Variants in KIZ observed in about 807,000 individuals in gnomAD.
KIZ encodes kizuna centrosomal protein.
KIZ carries 68 observed loss-of-function variants against 79.6 expected under a neutral mutation model. The ratio of observed to expected loss-of-function variants is 0.85; its 90% CI spans 0.70 to 1.05. The LOEUF (loss-of-function observed/expected upper bound fraction) is 1.05. Ranked by LOEUF, KIZ falls within the 50% of genes least tolerant of loss-of-function variation. The pLI, the probability that KIZ is intolerant of heterozygous loss-of-function variation, is 0.00. For missense variants in KIZ, 797 were observed against 800.4 expected, an observed-to-expected ratio of 1.00 and a Z score of 0.05; for synonymous variants, 280 against 281.8, an observed-to-expected ratio of 0.99 and a Z score of 0.06.
intron 10 of KIZ, among the ~76,000 whole-genome samples, chr20:21,230,495 A>G (rs879796396): frequency 6.6e-6 from 1 of 152,192 alleles, no homozygotes; most frequent in Non-Finnish European, 1.5e-5. Flanking sequence ...TGTCTTTTTC[A>G]GACAGATATT....
At chr20:21,231,652 T>C (rs750875880) in intron 10 of KIZ, among the ~76,000 whole-genome samples, 4 of 152,162 alleles carry the variant, frequency 2.6e-5, no homozygotes, top group Non-Finnish European at 5.9e-5. Flanking sequence ...TTACCCTTAC[T>C]CTCATTCTGA....
intron 6 of KIZ, among the ~76,000 whole-genome samples, chr20:21,171,026 A>C (rs552779948): frequency 6.6e-6 from 1 of 152,372 alleles, no homozygotes; most frequent in South Asian, 2.1e-4. Flanking sequence ...ATCGTCTTCC[A>C]AAGTGGCTGT....
Position 21,140,933 on chromosome 20 carries a change from G to A in KIZ, c.315+4381G>A, listed in dbSNP as rs139787519. 3.6e-3 allele frequency among the ~76,000 whole-genome samples: 554 copies of A among 152,172 alleles called. 2 individuals are homozygous for A. Among genetic ancestry groups the A allele is most frequent in the Middle Eastern group, 0.02 (6 of 294 alleles). On this transcript the variant is annotated intron_variant, in intron 3 of 12. Transcript: ENST00000619189. ...ATGGGGGGGGATCATTTGAGCCCAG[G>A]AGGTTGAGGTTATAGTGAGCTATGA...
At chr20:21,229,231 C>A in intron 10 of KIZ, 116 bp downstream of exon 10, 1 of 635,290 alleles carries the variant, frequency 1.6e-6, no homozygotes, top group Non-Finnish European at 2.8e-6. Flanking sequence ...AACGAGCTGT[C>A]ACCAGGACAG....
rs558639559 is a variant in KIZ, at chr20:21,232,356, G to A, written c.1784-378G>A. Among the ~76,000 whole-genome samples the A allele has an allele frequency of 1.4e-4, 22 of 152,250 alleles. No individual in the cohort carries two copies. The South Asian group carries it at 4.6e-3, about 32-fold the overall frequency. On this transcript the variant is annotated intron_variant, in intron 10 of 12. Coordinates refer to ENST00000619189, the MANE Select transcript of KIZ (RefSeq NM_018474.6). ...ATAAGGTGGGTGACTGTTATCCATG[G>A]GTCTCAATTATTTCTGAGCCCTGGT...
At chr20:21,141,931 C>T (rs1276399719) in intron 3 of KIZ, among the ~76,000 whole-genome samples, 1 of 150,326 alleles carries the variant, frequency 6.7e-6, no homozygotes, top group Non-Finnish European at 1.5e-5. Context: ...TCCACCTTCT[C>T]CTGCCATCCC....
Position 21,164,480 on chromosome 20 carries a change from T to G in KIZ, c.1352+1321T>G, listed in dbSNP as rs76918833. The stretch of plus-strand genomic sequence containing the variant: ...GGCACAGGTAATACATATTACATCA[T>G]CAGAAACTTTATTACTGGAGGTAGA... On this transcript the variant is annotated intron_variant, in intron 6 of 12. Transcript: ENST00000619189. Among the ~76,000 whole-genome samples the G allele has an allele frequency of 2.5e-3, 379 of 152,322 alleles. 11 individuals carry two copies. The East Asian group carries it at 0.057, about 23-fold the overall frequency.
Position 21,126,178 on chromosome 20 carries a change from C to T in KIZ, c.63C>T (p.Gly21=). Reference sequence around the variant, plus strand: ...GTCCCGACTACTACGAGAGGCTGGGCCAACTCCAGCACGGGCTGCGGGACA... The same window carrying T: ...GTCCCGACTACTACGAGAGGCTGGGTCAACTCCAGCACGGGCTGCGGGACA... The part of the protein sequence containing the change: ...LSSPDYYERL[G]QLQHGLRDSE... Residue 21 remains glycine, a synonymous_variant, in exon 1 of 13, where the codon GGC becomes GGT. Transcript: ENST00000619189. 2 of 1,498,838 alleles carry T rather than the reference C, an allele frequency of 1.3e-6. No individual in the cohort carries two copies. The highest frequency in any genetic ancestry group is 1.3e-5 in the South Asian group (1 of 79,400). The allele number at this position is 1,498,838 out of a possible 1,614,324, so 92.8% of individuals were successfully genotyped here. A position where few individuals can be genotyped will look rare whatever the true frequency, so the allele number is the denominator to read the frequency against.
intron 6 of KIZ, chr20:21,166,607 C>A: frequency 8.8e-7 from 1 of 1,141,718 alleles, no homozygotes; most frequent in South Asian, 1.3e-5. Flanking sequence ...TGTGGCGGTG[C>A]GGAAAGAGCT....
chr20:21,235,275 G>T (rs1201856025), intron 11 of KIZ, among the ~76,000 whole-genome samples: 1 of 152,182 alleles, frequency 6.6e-6, no homozygotes, highest in Non-Finnish European at 1.5e-5. Flanking sequence ...GTTTTTCAGA[G>T]CAGCAGCTTC....
In KIZ at chr20:21,141,276, T is replaced by C. The variant is rs571779021; in HGVS notation, c.316-4289T>C. On this transcript the variant is annotated intron_variant, in intron 3 of 12. Transcript: ENST00000619189. ...AGTGGTTGATTTGGGAAATAAGGAA[T>C]ATCAGTAGGAAATGGGGGAAGGGAG... 3.9e-5 allele frequency among the ~76,000 whole-genome samples: 6 copies of C among 152,098 alleles called. No homozygotes were observed. The South Asian group carries it at 1.0e-3, about 26-fold the overall frequency.
At chr20:21,134,042 G>A (rs2032016317) in intron 2 of KIZ, among the ~76,000 whole-genome samples, 1 of 152,216 alleles carries the variant, frequency 6.6e-6, no homozygotes, top group African/African-American at 2.4e-5. Flanking sequence ...GTGCAGCTGA[G>A]GCAGAGGCAG....
intron 11 of KIZ, among the ~76,000 whole-genome samples, chr20:21,243,516 G>C (rs976668652): frequency 2.0e-5 from 3 of 152,146 alleles, no homozygotes; most frequent in Admixed American, 6.5e-5. Context: ...AACATCTCCT[G>C]TGACCATTCA....
At chr20:21,179,270 A>G (rs1600467777) in intron 6 of KIZ, among the ~76,000 whole-genome samples, 1 of 130,652 alleles carries the variant, frequency 7.7e-6, no homozygotes, top group Non-Finnish European at 1.6e-5. Context: ...TACTAGTTTT[A>G]GGTCTGTTCA....
intron 6 of KIZ, chr20:21,198,809 G>A (rs958511225): frequency 3.3e-5 from 5 of 152,560 alleles, no homozygotes; most frequent in Admixed American, 3.3e-4. Flanking sequence ...TTCAACCTAA[G>A]GCAGTAAAGG....
At chr20:21,214,242 G>C (rs556041646) in intron 7 of KIZ, among the ~76,000 whole-genome samples, 4 of 152,062 alleles carry the variant, frequency 2.6e-5, no homozygotes, top group African/African-American at 9.7e-5. Context: ...ATTAACAGAG[G>C]TGGTCACGTT....
At chr20:21,183,614 A>G (rs950151550) in intron 6 of KIZ, among the ~76,000 whole-genome samples, 1 of 152,258 alleles carries the variant, frequency 6.6e-6, no homozygotes, top group African/African-American at 2.4e-5. Flanking sequence ...GCCATGCAAA[A>G]TATTTTACAT....
chr20:21,229,421 T>C (rs1045534324), intron 10 of KIZ, among the ~76,000 whole-genome samples: 1 of 152,246 alleles, frequency 6.6e-6, no homozygotes, highest in African/African-American at 2.4e-5. Context: ...ATTCCTTCTC[T>C]TCCCCACAGC....
At chr20:21,199,840 A>G (rs1186487351) in intron 6 of KIZ, among the ~76,000 whole-genome samples, 1 of 152,146 alleles carries the variant, frequency 6.6e-6, no homozygotes, top group Non-Finnish European at 1.5e-5. Flanking sequence ...TTTTTTTAAG[A>G]CAGAATCTTG....
Sources: allele counts gnomAD v4.1 joint callset (sites outside exome capture counted in the v4.1 genomes callset), GRCh38; gene constraint gnomAD v4.1.1; transcripts MANE v1.5; gene names NCBI Gene and HGNC (gene_info 2026-07-23, HGNC 2026-07-21).